RMND5A: variants seen among roughly 807,000 people sequenced by gnomAD.
RMND5A encodes required for meiotic nuclear division 5 homolog A.
A neutral mutation model predicts 49.7 loss-of-function variants in RMND5A; 17 were observed. That is an observed-to-expected ratio of 0.34 (90% CI 0.23 to 0.51). RMND5A has a LOEUF of 0.51. Ranked by LOEUF, RMND5A falls within the 20% of genes least tolerant of loss-of-function variation. The probability of loss-of-function intolerance (pLI) is 0.96; values close to 1 mark genes in which losing one functional copy is unlikely to be tolerated. For missense variants in RMND5A, 255 were observed against 471.3 expected (o/e 0.54, Z 4.25); for synonymous variants, 156 against 167.7 (o/e 0.93, Z 0.54).
Position 86,752,032 on chromosome 2 carries a change from T to TAAC in RMND5A, c.420+4_420+6dup. 1 of 1,613,324 alleles carries TAAC rather than the reference T, an allele frequency of 6.2e-7. No homozygotes were observed. Among genetic ancestry groups the TAAC allele is most frequent in the Non-Finnish European group, 8.5e-7 (1 of 1,179,634 alleles). On this transcript the variant is annotated splice_region_variant and intron_variant, in intron 3 of 8. Coordinates refer to ENST00000283632, the MANE Select transcript of RMND5A (RefSeq NM_022780.4). ...GATGTGGCTGAGGAGCTCTGTCAGG[T>TAAC]AACAGTGTGCCAACTGGGAGGATAT...
rs1431563678 is a variant in RMND5A at position 86,777,380 on chromosome 2, C to T, written c.*3969C>T. 1 of 151,936 alleles carries T rather than the reference C, an allele frequency of 6.6e-6. No individual in the cohort carries two copies. The highest frequency in any genetic ancestry group is 6.6e-5 in the Admixed American group (1 of 15,254). 9.4% of individuals were successfully genotyped at this position (151,936 alleles called of 1,614,324 possible). ...AGGGGCGGGAATGAATGTGTTGGGG[C>T]TGGGAGGGAAGCAGAAGAAAATGGG... On this transcript the variant is annotated 3_prime_UTR_variant, in exon 9 of 9. Coordinates refer to ENST00000283632, the MANE Select transcript of RMND5A (RefSeq NM_022780.4).
At position 86,765,881 on chromosome 2, in the gene RMND5A, C is replaced by T. The variant is rs777521113; in HGVS notation, c.711C>T (p.Ser237=). 2 of 1,613,554 alleles carry T rather than the reference C, an allele frequency of 1.2e-6. No homozygotes were observed. The highest frequency in any genetic ancestry group is 1.7e-5 in the Admixed American group (1 of 59,902). ...HQKDIQVLMG[S]LVYLRQGIEN... is the part of the protein sequence containing the mutation. The stretch of plus-strand genomic sequence containing the variant: ...TAGACATTCAGGTTTTGATGGGAAG[C>T]CTTGTGTACCTGAGACAAGGGATTG... The change falls in exon 6 of 9, where the codon AGC becomes AGT. Residue 237 remains serine (S), a synonymous_variant. Transcript: ENST00000283632.
At position 86,753,485 on chromosome 2, in the gene RMND5A, C is replaced by G. The variant is rs1351442390; in HGVS notation, c.448C>G (p.Gln150Glu). Residue 150 changes from glutamine (Q) to glutamate (E), a missense_variant, in exon 4 of 9, where the codon CAG (glutamine) becomes GAG (glutamate). Around this residue, in one of 3 missense-constraint regions of RMND5A, gnomAD observed 208 missense variants for 339.8 expected, o/e 0.61. Transcript: ENST00000283632. ...QESGLSVDPSQKEPFVELNRI... is the reference protein window; with the variant it reads ...QESGLSVDPSEKEPFVELNRI... ...ATCTGGTCTTTCTGTAGACCCAAGT[C>G]AGAAGGAACCATTTGTGGAGTTAAA... 1 of 1,611,068 alleles carries G rather than the reference C, an allele frequency of 6.2e-7. No individual in the cohort carries two copies. The highest frequency in any genetic ancestry group is 1.7e-5 in the Admixed American group (1 of 59,914).
At position 86,776,216 on chromosome 2, in the gene RMND5A, ATC is replaced by A. The variant is rs1443242393; in HGVS notation, c.*2807_*2808del. 6.6e-6 allele frequency: 1 copy of A among 152,176 alleles called. No homozygotes were observed. The highest frequency in any genetic ancestry group is 1.5e-5 in the Non-Finnish European group (1 of 68,022). The allele number at this position is 152,176 out of a possible 1,614,324, so 9.4% of individuals were successfully genotyped here. On this transcript the variant is annotated 3_prime_UTR_variant, in exon 9 of 9. Transcript: ENST00000283632. ...TTACAGTGGCTAAGGTTGTCTCTTG[ATC>A]TTTTTTCTCCGTTGTGTGATCACAG...
chr2:86,761,991 T>G (rs770740854), intron 4 of RMND5A, among the ~76,000 whole-genome samples: 1 of 152,206 alleles, frequency 6.6e-6, no homozygotes, highest in Admixed American at 6.5e-5. Flanking sequence ...AATTCATAAC[T>G]TTCAGGAAAA....
intron 2 of RMND5A, chr2:86,748,391 G>GCTCC (rs1681575716): frequency 6.6e-6 from 1 of 152,220 alleles, no homozygotes; most frequent in Non-Finnish European, 1.5e-5. Context: ...GTAGAAGGGA[G>GCTCC]CTCAGAAGTG....
chr2:86,742,430 A>G (rs1681464415), intron 2 of RMND5A, among the ~76,000 whole-genome samples: 1 of 148,948 alleles, frequency 6.7e-6, no homozygotes, highest in African/African-American at 2.5e-5. Flanking sequence ...ACAGTTTTAG[A>G]AGTGGGTTTG....
intron 2 of RMND5A, among the ~76,000 whole-genome samples, chr2:86,742,409 A>G (rs1202171092): frequency 5.3e-5 from 8 of 150,698 alleles, no homozygotes; most frequent in Admixed American, 4.0e-4. Context: ...GGTAACTCCA[A>G]GAGAGTGAAC....
At chr2:86,743,977 CAAAA>C (rs11313907) in intron 2 of RMND5A, among the ~76,000 whole-genome samples, 1 of 117,084 alleles carries the variant, frequency 8.5e-6, no homozygotes, top group Non-Finnish European at 1.9e-5. Flanking sequence ...GACTCCATCT[CAAAA>C]AAAAAAAAAA....
chr2:86,726,852 G>T lies in RMND5A; in HGVS notation c.142+6043G>T, dbSNP rs1365490684. Among the ~76,000 whole-genome samples the T allele has an allele frequency of 5.2e-5, 4 of 76,618 alleles. 1 individual carries two copies. Among genetic ancestry groups the T allele is most frequent in the Non-Finnish European group, 8.0e-5 (3 of 37,550 alleles). 50.3% of individuals were successfully genotyped at this position (76,618 alleles called of 152,430 possible). ...CAGGCATGTCATCAGGACTGATCTT[G>T]TTCTCTTCTGTCAACTGTTGGCTTT... On this transcript the variant is annotated intron_variant, in intron 1 of 8. Coordinates refer to ENST00000283632, the MANE Select transcript of RMND5A (RefSeq NM_022780.4).
chr2:86,729,963 G>C lies in RMND5A; in HGVS notation c.142+9154G>C, dbSNP rs1225684076. ...GGTTTGACTAGAGGCAAGAACGTTA[G>C]CTAAGGCTAAGTGTCAACCTAGATT... On this transcript the variant is annotated intron_variant, in intron 1 of 8. Coordinates refer to ENST00000283632, the MANE Select transcript of RMND5A (RefSeq NM_022780.4). 3.1e-5 allele frequency among the ~76,000 whole-genome samples: 2 copies of C among 65,038 alleles called. 1 individual carries two copies. Among genetic ancestry groups the C allele is most frequent in the Non-Finnish European group, 5.9e-5 (2 of 33,798 alleles). The allele number at this position is 65,038 out of a possible 152,430, so 42.7% of individuals were successfully genotyped here.
intron 2 of RMND5A, among the ~76,000 whole-genome samples, chr2:86,742,295 A>C (rs1404052243): frequency 1.3e-5 from 2 of 151,734 alleles, no homozygotes. Context: ...TCACCAGCAA[A>C]GTCTGGGAAG....
chr2:86,776,041 T>C lies in RMND5A; in HGVS notation c.*2630T>C, dbSNP rs902819846. ...ATTATAATGTACATCAAAGGCAGAATTTCAGAATGGTTTCTTAAATTTCCT... is the reference window on the plus strand; with the variant it reads ...ATTATAATGTACATCAAAGGCAGAACTTCAGAATGGTTTCTTAAATTTCCT... On this transcript the variant is annotated 3_prime_UTR_variant, in exon 9 of 9. Transcript: ENST00000283632. 3.3e-5 allele frequency: 5 copies of C among 152,222 alleles called. No individual in the cohort carries two copies. 9.4% of individuals were successfully genotyped at this position (152,222 alleles called of 1,614,324 possible).
chr2:86,744,990 A>G lies in RMND5A; in HGVS notation c.285+3921A>G, dbSNP rs1012887200. ...GGCCCATTATTTATTTAAAATAAATAATATTTGTTCTGTGACAATTTTTTT... is the reference window on the plus strand; with the variant it reads ...GGCCCATTATTTATTTAAAATAAATGATATTTGTTCTGTGACAATTTTTTT... On this transcript the variant is annotated intron_variant, in intron 2 of 8. Coordinates refer to ENST00000283632, the MANE Select transcript of RMND5A (RefSeq NM_022780.4). Among the ~76,000 whole-genome samples, 34 of 83,264 alleles carry G rather than the reference A, an allele frequency of 4.1e-4. 1 individual carries two copies. The highest frequency in any genetic ancestry group is 3.9e-4 in the Non-Finnish European group (15 of 38,830). The allele number at this position is 83,264 out of a possible 152,430, so 54.6% of individuals were successfully genotyped here.
At chr2:86,771,117 G>A (rs995626150) in intron 7 of RMND5A, among the ~76,000 whole-genome samples, 8 of 151,894 alleles carry the variant, frequency 5.3e-5, no homozygotes, top group African/African-American at 1.9e-4. Context: ...GACACAAGTA[G>A]CACTCCTGCT....
chr2:86,751,775 G>C (rs924578153), intron 2 of RMND5A, 121 bp from the exon 3 acceptor site: 2 of 801,090 alleles, frequency 2.5e-6, no homozygotes, highest in Non-Finnish European at 3.8e-6. Flanking sequence ...CCTTTGGGAC[G>C]CTATAAATTG....
chr2:86,766,145 T>C, intron 6 of RMND5A, 121 bp downstream of exon 6: 2 of 867,544 alleles, frequency 2.3e-6, no homozygotes, highest in Non-Finnish European at 3.6e-6. Flanking sequence ...AAGAGTGCAA[T>C]TGGTATTTCA....
intron 4 of RMND5A, among the ~76,000 whole-genome samples, chr2:86,753,906 G>A (rs955475352): frequency 6.6e-6 from 1 of 152,158 alleles, no homozygotes; most frequent in Non-Finnish European, 1.5e-5. Flanking sequence ...CATGTGCTGG[G>A]TTTTGCTGGG....
chr2:86,765,314 C>A, intron 5 of RMND5A, 121 bp downstream of exon 5: 1 of 873,932 alleles, frequency 1.1e-6, no homozygotes, highest in Non-Finnish European at 1.7e-6. Context: ...TTGATAATCA[C>A]TTACAGGAAA....
Sources: allele counts gnomAD v4.1 joint callset (sites outside exome capture counted in the v4.1 genomes callset), GRCh38; gene constraint gnomAD v4.1.1; regional missense constraint gnomAD v4.1.1; transcripts MANE v1.5; gene names NCBI Gene and HGNC (gene_info 2026-07-23, HGNC 2026-07-21).